SLCO1B1: variants seen among roughly 807,000 people sequenced by gnomAD.
The protein encoded by SLCO1B1 is OATP-2.
Under a neutral mutation model 70.1 loss-of-function variants are expected in SLCO1B1, and 81 were observed. That is an observed-to-expected ratio of 1.16 (90% CI 0.97 to 1.39). The LOEUF is 1.39. Among genes scored for constraint, SLCO1B1 ranks in the 40% most tolerant of loss-of-function variants. The pLI is 0.00. For missense variants in SLCO1B1, 895 were observed against 799.6 expected (o/e 1.12, Z -1.44); for synonymous variants, 283 against 271.5 (o/e 1.04, Z -0.42).
chr12:21,197,178 A>G lies in SLCO1B1; in HGVS notation c.960A>G (p.Lys320=), dbSNP rs1941103856. ...CCAATCAAGGAAAAAATATTACCAA[A>G]AATGTGACTGGTAAGTATTTAACAT... ...NLTNQGKNIT[K]NVTGFFQSFK... is the part of the protein sequence containing the mutation. Residue 320 remains lysine, a synonymous_variant, in exon 8 of 15, where the codon AAA becomes AAG. Coordinates refer to ENST00000256958, the MANE Select transcript of SLCO1B1 (RefSeq NM_006446.5). 1.2e-6 allele frequency: 2 copies of G among 1,613,058 alleles called. No homozygotes were observed. The highest frequency in any genetic ancestry group is 1.7e-6 in the Non-Finnish European group (2 of 1,179,438).
intron 2 of SLCO1B1, among the ~76,000 whole-genome samples, chr12:21,152,533 C>CTTTTTTTTATTTTTTTTTTTT (rs1940485505): frequency 2.9e-5 from 1 of 34,358 alleles, no homozygotes; most frequent in Non-Finnish European, 5.2e-5. Flanking sequence ...AGAGGAGAGG[C>CTTTTTTTTATTTTTTTTTTTT]TTTTTTTTTT....
chr12:21,167,582 G>A (rs146696610), intron 2 of SLCO1B1, among the ~76,000 whole-genome samples: 278 of 152,086 alleles, frequency 1.8e-3, no homozygotes, highest in Middle Eastern at 3.4e-3. Flanking sequence ...TGTCATGCTG[G>A]TAAAAAACAC....
intron 2 of SLCO1B1, among the ~76,000 whole-genome samples, chr12:21,158,433 T>G (rs1940570365): frequency 6.6e-6 from 1 of 152,200 alleles, no homozygotes; most frequent in Non-Finnish European, 1.5e-5. Context: ...GCGTGGCTCA[T>G]GCCTGTAATC....
chr12:21,164,875 A>T lies in SLCO1B1; in HGVS notation c.85-7775A>T, dbSNP rs147957349. The stretch of plus-strand genomic sequence containing the variant: ...AACATTACAAACTTATGGCAATTAT[A>T]AAACTCAATACATATTATACTGTCA... On this transcript the variant is annotated intron_variant, in intron 2 of 14. Coordinates refer to ENST00000256958, the MANE Select transcript of SLCO1B1 (RefSeq NM_006446.5). 818 of 480,098 alleles carry T rather than the reference A, an allele frequency of 1.7e-3. 7 individuals carry two copies. The highest frequency in any genetic ancestry group is 0.014 in the African/African-American group (733 of 50,700). 29.7% of individuals were successfully genotyped at this position (480,098 alleles called of 1,614,324 possible). A position where few individuals can be genotyped will look rare whatever the true frequency, so the allele number is the denominator to read the frequency against.
chr12:21,169,267 G>A (rs1484311780), intron 2 of SLCO1B1, among the ~76,000 whole-genome samples: 2 of 152,050 alleles, frequency 1.3e-5, no homozygotes, highest in African/African-American at 2.4e-5. Flanking sequence ...CTTCTTAAAT[G>A]TTTAGGTTCC....
rs1236039015 is a variant in SLCO1B1, at chr12:21,239,038, TATTA to T, written c.1929_1932del (p.Leu643PhefsTer4). ...GTCTCATCACTTGTTTTATATATTATATTAATTTATGCCATGAAGAAAAAATATC... is the reference window on the plus strand; with the variant it reads ...GTCTCATCACTTGTTTTATATATTATATTTATGCCATGAAGAAAAAATATC... On this transcript the variant is annotated frameshift_variant, in exon 15 of 15. Coordinates refer to ENST00000256958, the MANE Select transcript of SLCO1B1 (RefSeq NM_006446.5). LOFTEE classifies it low-confidence loss of function (END_TRUNC). 9 of 1,589,944 alleles carry T rather than the reference TATTA, an allele frequency of 5.7e-6. No individual in the cohort carries two copies. Among genetic ancestry groups the T allele is most frequent in the Non-Finnish European group, 3.4e-6 (4 of 1,159,788 alleles).
At chr12:21,152,442 T>G (rs61926180) in intron 2 of SLCO1B1, among the ~76,000 whole-genome samples, 2,024 of 149,500 alleles carry the variant, frequency 0.014, 24 homozygotes, top group Non-Finnish European at 0.015. Context: ...GGTAATATAT[T>G]CTGGATATCC....
At chr12:21,217,906 T>C (rs185435815) in intron 12 of SLCO1B1, among the ~76,000 whole-genome samples, 1 of 152,196 alleles carries the variant, frequency 6.6e-6, no homozygotes, top group East Asian at 1.9e-4. Context: ...GCTTTCAAAA[T>C]TACAGGAAAG....
chr12:21,160,060 T>C (rs1187218485), intron 2 of SLCO1B1, among the ~76,000 whole-genome samples: 1 of 146,864 alleles, frequency 6.8e-6, no homozygotes, highest in Non-Finnish European at 1.5e-5. Context: ...AATTTATAGG[T>C]TCAGTGCTAT....
intron 7 of SLCO1B1, among the ~76,000 whole-genome samples, chr12:21,179,600 C>G (rs1940868157): frequency 6.6e-6 from 1 of 152,146 alleles, no homozygotes; most frequent in African/African-American, 2.4e-5. Flanking sequence ...CTTCTTATCT[C>G]ATAGATGAAA....
intron 7 of SLCO1B1, among the ~76,000 whole-genome samples, chr12:21,183,955 G>A (rs948423969): frequency 6.6e-6 from 1 of 151,684 alleles, no homozygotes; most frequent in East Asian, 1.9e-4. Flanking sequence ...AATACATCCA[G>A]ACCTTTAGCA....
intron 3 of SLCO1B1, among the ~76,000 whole-genome samples, chr12:21,173,657 C>G (rs1940782872): frequency 6.6e-6 from 1 of 150,424 alleles, no homozygotes; most frequent in Non-Finnish European, 1.5e-5. Context: ...CATTTTGGTG[C>G]TTTTATTCCA....
intron 1 of SLCO1B1, 61 bp downstream of exon 1, chr12:21,131,297 A>G (rs951197979): frequency 6.6e-6 from 1 of 152,032 alleles, no homozygotes; most frequent in Non-Finnish European, 1.5e-5. Flanking sequence ...TTTTCACGGA[A>G]GAAGATTTTG....
At chr12:21,165,619 A>G (rs1451283732) in intron 2 of SLCO1B1, among the ~76,000 whole-genome samples, 1 of 152,176 alleles carries the variant, frequency 6.6e-6, no homozygotes, top group African/African-American at 2.4e-5. Context: ...TCAAAATCCA[A>G]TGTGATAGTA....
intron 9 of SLCO1B1, 141 bp from the exon 10 acceptor site, chr12:21,202,350 C>T (rs1941168062): frequency 1.6e-6 from 1 of 627,644 alleles, no homozygotes; most frequent in Admixed American, 3.0e-5. Flanking sequence ...ACATTCTGCA[C>T]ATGTATCCCA....
At chr12:21,214,367 G>T (rs958616688) in intron 11 of SLCO1B1, among the ~76,000 whole-genome samples, 1 of 150,374 alleles carries the variant, frequency 6.7e-6, no homozygotes, top group African/African-American at 2.5e-5. Flanking sequence ...TCCCAGTTAG[G>T]CTGCTCAGGG....
chr12:21,161,984 G>C (rs1940625334), intron 2 of SLCO1B1, among the ~76,000 whole-genome samples: 1 of 151,568 alleles, frequency 6.6e-6, no homozygotes, highest in African/African-American at 2.4e-5. Flanking sequence ...CTTTAGCCTG[G>C]GTGACAAAGT....
chr12:21,211,352 C>A (rs1255909747), intron 11 of SLCO1B1, among the ~76,000 whole-genome samples: 1 of 122,380 alleles, frequency 8.2e-6, no homozygotes, highest in Non-Finnish European at 1.8e-5. Flanking sequence ...TGTTTATATG[C>A]TGGATTACAT....
intron 10 of SLCO1B1, among the ~76,000 whole-genome samples, 156 bp downstream of exon 10, chr12:21,202,842 G>A (rs964417550): frequency 1.3e-5 from 2 of 152,014 alleles, no homozygotes; most frequent in Non-Finnish European, 2.9e-5. Flanking sequence ...TGTTTCTTAA[G>A]ACCTCAAACA....
Sources: gnomAD v4.1 joint callset for allele counts (sites outside exome capture counted in the v4.1 genomes callset) on GRCh38, gnomAD v4.1.1 for gene constraint, MANE v1.5 for transcripts, NCBI Gene and HGNC (gene_info 2026-07-23, HGNC 2026-07-21) for gene names.